LSAMP: variants seen among roughly 807,000 people sequenced by gnomAD.
The protein encoded by LSAMP is limbic system associated membrane protein.
LSAMP carries 7 observed loss-of-function variants against 38.6 expected under a neutral mutation model. The observed-to-expected ratio is 0.18, with a 90% CI of 0.10 to 0.34. LSAMP has a LOEUF of 0.34. LSAMP is among the 10% of genes least tolerant of loss of function. LSAMP has a pLI of 1.00. For synonymous variants in LSAMP, 154 were observed against 166.8 expected, an observed-to-expected ratio of 0.92 and a Z score of 0.59; for missense variants, 313 against 420.0, an observed-to-expected ratio of 0.75 and a Z score of 2.23.
intron 2 of LSAMP, among the ~76,000 whole-genome samples, chr3:116,036,478 T>C (rs145300944): frequency 1.5e-3 from 222 of 152,306 alleles, no homozygotes; most frequent in African/African-American, 4.5e-3. Context: ...CAGAAATTGA[T>C]GTCTTTGACT....
At chr3:115,908,375 A>C (rs1057090235) in intron 3 of LSAMP, among the ~76,000 whole-genome samples, 11 of 152,144 alleles carry the variant, frequency 7.2e-5, no homozygotes, top group African/African-American at 2.7e-4. Context: ...TTATCTTGCT[A>C]TTATCTAGCT....
intron 2 of LSAMP, among the ~76,000 whole-genome samples, chr3:116,038,292 T>G (rs893741797): frequency 6.6e-6 from 1 of 152,124 alleles, no homozygotes; most frequent in Non-Finnish European, 1.5e-5. Context: ...ATAGGAAGTA[T>G]TCATAATAAA....
Position 116,160,102 on chromosome 3 carries a change from T to C in LSAMP, c.156-73546A>G, listed in dbSNP as rs1027188762. 5.3e-5 allele frequency among the ~76,000 whole-genome samples: 8 copies of C among 152,118 alleles called. No homozygotes were observed. In the South Asian group the frequency reaches 8.3e-4, roughly 16 times the overall value. ...GGGGTAGAGGGTGGGAGAAATGTGA[T>C]AATTGAAAAACTACCGGCTGGGCAC... On this transcript the variant is annotated intron_variant, in intron 1 of 6. Transcript: ENST00000490035.
chr3:116,206,046 G>A (rs1361701912), intron 1 of LSAMP, among the ~76,000 whole-genome samples: 1 of 151,948 alleles, frequency 6.6e-6, no homozygotes, highest in Admixed American at 6.6e-5. Flanking sequence ...ACTCTTTTTG[G>A]TTGGTAAACT....
In LSAMP at chr3:115,810,289, T is replaced by C. The variant is rs764766396; in HGVS notation, c.*28A>G. 4 of 1,474,774 alleles carry C rather than the reference T, an allele frequency of 2.7e-6. No individual in the cohort carries two copies. In the South Asian group the frequency reaches 4.9e-5, roughly 18 times the overall value. 91.4% of individuals were successfully genotyped at this position (1,474,774 alleles called of 1,614,324 possible). A position where few individuals can be genotyped will look rare whatever the true frequency, so the allele number is the denominator to read the frequency against. ...CTGTGTGACGCATTTTTGTGTGTTT[T>C]TTAAATTATTTTTAAATTTTTATTC... is the stretch of plus-strand genomic sequence containing the variant. On this transcript the variant is annotated 3_prime_UTR_variant, in exon 7 of 7. Transcript: ENST00000490035.
At chr3:115,853,112 T>A (rs796580911) in intron 3 of LSAMP, among the ~76,000 whole-genome samples, 8 of 152,370 alleles carry the variant, frequency 5.3e-5, no homozygotes, top group African/African-American at 1.9e-4. Context: ...CATCATCTAT[T>A]ACACCATGCT....
At chr3:116,308,885 T>C (rs2047520247) in intron 1 of LSAMP, among the ~76,000 whole-genome samples, 1 of 152,082 alleles carries the variant, frequency 6.6e-6, no homozygotes, top group Non-Finnish European at 1.5e-5. Context: ...CATCATTAGT[T>C]CTTTTGCTGG....
chr3:115,923,890 A>T (rs1263915222), intron 3 of LSAMP, among the ~76,000 whole-genome samples: 4 of 152,184 alleles, frequency 2.6e-5, no homozygotes, highest in Non-Finnish European at 5.9e-5. Context: ...ATTGTATTAT[A>T]ATAGGTTTTT....
intron 2 of LSAMP, among the ~76,000 whole-genome samples, chr3:116,033,548 C>A (rs192859563): frequency 3.3e-5 from 5 of 152,264 alleles, no homozygotes; most frequent in Admixed American, 2.6e-4. Flanking sequence ...CACATAAACA[C>A]GCACAACACC....
At chr3:116,016,123 A>C (rs1213572830) in intron 3 of LSAMP, among the ~76,000 whole-genome samples, 1 of 152,098 alleles carries the variant, frequency 6.6e-6, no homozygotes, top group Non-Finnish European at 1.5e-5. Context: ...TGTAATCTCC[A>C]AGAAAGACTT....
intron 3 of LSAMP, among the ~76,000 whole-genome samples, chr3:115,869,269 G>GGGGAGAGAGAGAGA (rs1352019629): frequency 1.6e-5 from 2 of 128,518 alleles, no homozygotes; most frequent in Admixed American, 1.8e-4. Flanking sequence ...TCTTGGAGGG[G>GGGGAGAGAGAGAGA]GAGAGAGAGA....
In LSAMP at chr3:116,378,351, G is replaced by A. The variant is rs2048518017; in HGVS notation, c.155+66526C>T. On this transcript the variant is annotated intron_variant, in intron 1 of 6. Transcript: ENST00000490035. ...TTTTAGGTGATTTTGCAACCCATATGGACAAAGCCTCCTGCAAAAAATAAT... is the reference window on the plus strand; with the variant it reads ...TTTTAGGTGATTTTGCAACCCATATAGACAAAGCCTCCTGCAAAAAATAAT... 2.0e-5 allele frequency among the ~76,000 whole-genome samples: 3 copies of A among 152,068 alleles called. No individual in the cohort carries two copies. The South Asian group carries it at 6.2e-4, about 32-fold the overall frequency.
intron 3 of LSAMP, among the ~76,000 whole-genome samples, chr3:115,865,510 T>A (rs1935833570): frequency 6.6e-6 from 1 of 152,202 alleles, no homozygotes; most frequent in African/African-American, 2.4e-5. Flanking sequence ...CTTTAAAAAA[T>A]TACACAGATA....
At chr3:115,859,370 C>CTTTT (rs1935604310) in intron 3 of LSAMP, among the ~76,000 whole-genome samples, 1 of 151,886 alleles carries the variant, frequency 6.6e-6, no homozygotes. Flanking sequence ...AAAACAAAAA[C>CTTTT]AAAAACGGAG....
intron 1 of LSAMP, among the ~76,000 whole-genome samples, chr3:116,324,434 T>A (rs1275834142): frequency 6.6e-6 from 1 of 152,160 alleles, no homozygotes; most frequent in East Asian, 1.9e-4. Flanking sequence ...AGGATCTACT[T>A]CTGAAAGCCG....
At chr3:115,955,720 G>A (rs982081037) in intron 3 of LSAMP, among the ~76,000 whole-genome samples, 4 of 152,310 alleles carry the variant, frequency 2.6e-5, no homozygotes, top group Admixed American at 2.0e-4. Context: ...ATAGACAGCA[G>A]CAAAAGAAAA....
chr3:116,013,530 ACTGGGAAAGTATATAACTTTCT>A (rs1940390729), intron 3 of LSAMP, among the ~76,000 whole-genome samples: 1 of 152,164 alleles, frequency 6.6e-6, no homozygotes, highest in Non-Finnish European at 1.5e-5. Flanking sequence ...CTGAGACTAT[ACTGGGAAAGTATATAACTTTCT>A]CTGTGAGTGT....
intron 1 of LSAMP, among the ~76,000 whole-genome samples, chr3:116,283,034 A>T (rs963434336): frequency 2.0e-5 from 3 of 152,140 alleles, no homozygotes; most frequent in Non-Finnish European, 4.4e-5. Flanking sequence ...ACCTTCTATA[A>T]GCATCTCCCT....
At chr3:116,231,168 C>A (rs548614681) in intron 1 of LSAMP, among the ~76,000 whole-genome samples, 2 of 152,236 alleles carry the variant, frequency 1.3e-5, no homozygotes, top group South Asian at 2.1e-4. Flanking sequence ...TAATGGGCTG[C>A]GAAATTGGCT....
Sources: gnomAD v4.1 joint callset for allele counts (sites outside exome capture counted in the v4.1 genomes callset) on GRCh38, gnomAD v4.1.1 for gene constraint, MANE v1.5 for transcripts, NCBI Gene and HGNC (gene_info 2026-07-23, HGNC 2026-07-21) for gene names.